Variants in POLD1 observed in about 807,000 individuals in gnomAD.
POLD1 encodes DNA polymerase delta 1, catalytic subunit.
In POLD1, 79 loss-of-function variants were observed where a neutral mutation model predicts 129.7. The observed-to-expected ratio is 0.61, with a 90% CI of 0.51 to 0.73. The LOEUF (loss-of-function observed/expected upper bound fraction) is 0.73. POLD1 is among the 30% of genes least tolerant of loss of function. The pLI is 0.00. For missense variants in POLD1, 1,338 were observed against 1,595.8 expected (o/e 0.84, Z 2.75); for synonymous variants, 714 against 683.3 (o/e 1.04, Z -0.70).
chr19:50,416,008 C>A, intron 22 of POLD1, 182 bp downstream of exon 22: 1 of 590,442 alleles, frequency 1.7e-6, no homozygotes, highest in Non-Finnish European at 3.0e-6. Context: ...CTATTCTGAC[C>A]CCTCCCTTGC....
In POLD1 at chr19:50,406,556, AC is replaced by A. The variant is rs768573092; in HGVS notation, c.1494+41del. On this transcript the variant is annotated intron_variant, in intron 12 of 26. Transcript: ENST00000440232. This position sits in a 1 kb window ranked among gnomAD's most constrained non-coding sequence, Gnocchi z 5.5. ...CCCTGACCTCTCACCCCAACCTCTG[AC>A]CTCCACCTCACCCTTCCCCGGCCTC... is the stretch of plus-strand genomic sequence containing the variant. 240 of 1,422,914 alleles carry A rather than the reference AC, an allele frequency of 1.7e-4. No individual in the cohort carries two copies. Among genetic ancestry groups the A allele is most frequent in the Non-Finnish European group, 2.2e-4 (228 of 1,031,882 alleles). 88.1% of individuals were successfully genotyped at this position (1,422,914 alleles called of 1,614,324 possible).
At position 50,409,647 on chromosome 19, in the gene POLD1, C is replaced by T. The variant is rs2122389494; in HGVS notation, c.2135C>T (p.Pro712Leu). 2 of 1,606,060 alleles carry T rather than the reference C, an allele frequency of 1.2e-6. No homozygotes were observed. Among genetic ancestry groups the T allele is most frequent in the Non-Finnish European group, 1.7e-6 (2 of 1,174,568 alleles). Residue 712 changes from proline (P) to leucine (L), a missense_variant, in exon 17 of 27, where the codon CCG becomes CTG. Coordinates refer to ENST00000440232, the MANE Select transcript of POLD1 (RefSeq NM_002691.4). The surrounding 1 kb of genome is among the most constrained non-coding windows in gnomAD (Gnocchi z 5.8). ...GFTGAQVGKL[P>L]CLEISQSVTG... ...ACTGGCGCCCAGGTGGGCAAGTTGCCGTGCCTGGAGATCTCACAGGTGGGC... is the reference window on the plus strand; with the variant it reads ...ACTGGCGCCCAGGTGGGCAAGTTGCTGTGCCTGGAGATCTCACAGGTGGGC...
chr19:50,399,304 C>T, intron 2 of POLD1, 67 bp from the exon 3 acceptor site: 2 of 1,363,044 alleles, frequency 1.5e-6, no homozygotes, highest in Non-Finnish European at 2.1e-6. Flanking sequence ...CTTTCAGAAC[C>T]ACATGCCATC....
At chr19:50,395,641 G>GT (rs1294736686) in intron 1 of POLD1, among the ~76,000 whole-genome samples, 1 of 151,226 alleles carries the variant, frequency 6.6e-6, no homozygotes, top group East Asian at 1.9e-4. Context: ...CAGATCACCT[G>GT]TTTCAACATT....
At chr19:50,391,689 G>C (rs1040868108) in intron 1 of POLD1, among the ~76,000 whole-genome samples, 20 of 129,062 alleles carry the variant, frequency 1.5e-4, no homozygotes, top group African/African-American at 6.4e-4. Flanking sequence ...AGACTGAGAG[G>C]GGGGAGGGGG....
Position 50,416,742 on chromosome 19 carries a change from T to C in POLD1, c.3067+19T>C, listed in dbSNP as rs2122499159. ...CACCAGGGTGAGCGGCCCTGGCCAC[T>C]GGGCCCCCACTGGCCCTCAACCTGC... is the stretch of plus-strand genomic sequence containing the variant. On this transcript the variant is annotated intron_variant, in intron 24 of 26. Coordinates refer to ENST00000440232, the MANE Select transcript of POLD1 (RefSeq NM_002691.4). 1.3e-6 allele frequency: 2 copies of C among 1,502,358 alleles called. No individual in the cohort carries two copies. The allele number at this position is 1,502,358 out of a possible 1,614,324, so 93.1% of individuals were successfully genotyped here.
chr19:50,412,308 A>G (rs1007786075), intron 17 of POLD1, among the ~76,000 whole-genome samples: 20 of 152,150 alleles, frequency 1.3e-4, no homozygotes, highest in African/African-American at 4.8e-4. Flanking sequence ...ACCCGCCACC[A>G]TGCCTGGCTA....
chr19:50,401,415 T>C (rs1242985064), intron 3 of POLD1, among the ~76,000 whole-genome samples: 4 of 115,048 alleles, frequency 3.5e-5, no homozygotes, highest in Non-Finnish European at 7.2e-5. Context: ...TTTTTTTTTT[T>C]CTTTTTTTTG....
Position 50,409,775 on chromosome 19 carries a change from C to A in POLD1, c.2154+109C>A. 8.2e-7 allele frequency: 1 copy of A among 1,213,242 alleles called. No individual in the cohort carries two copies. Among genetic ancestry groups the A allele is most frequent in the Non-Finnish European group, 1.2e-6 (1 of 863,730 alleles). 75.2% of individuals were successfully genotyped at this position (1,213,242 alleles called of 1,614,324 possible). On this transcript the variant is annotated intron_variant, in intron 17 of 26. Coordinates refer to ENST00000440232, the MANE Select transcript of POLD1 (RefSeq NM_002691.4). This position sits in a 1 kb window ranked among gnomAD's most constrained non-coding sequence, Gnocchi z 5.8. ...ATCCAGAGGACTGGGCACCCCAACT[C>A]ACTGGCCTTCTAGAGAGAGGATGCC...
chr19:50,393,690 A>G (rs1266394938), intron 1 of POLD1, among the ~76,000 whole-genome samples: 2 of 152,138 alleles, frequency 1.3e-5, no homozygotes, highest in African/African-American at 4.8e-5. Context: ...GTAATAATAA[A>G]GCAAAGAATT....
At chr19:50,403,733 G>A (rs908372137) in intron 10 of POLD1, 136 bp downstream of exon 10, 72 of 682,938 alleles carry the variant, frequency 1.1e-4, no homozygotes, top group Non-Finnish European at 1.7e-4. Flanking sequence ...GCCTGCAGGG[G>A]CAGCCTAGGC....
At chr19:50,411,607 G>A (rs956645498) in intron 17 of POLD1, among the ~76,000 whole-genome samples, 1 of 152,200 alleles carries the variant, frequency 6.6e-6, no homozygotes, top group Non-Finnish European at 1.5e-5. Context: ...TTAGGAGGCC[G>A]AGGCGGGCGG....
chr19:50,387,299 T>C (rs1394869597), intron 1 of POLD1, among the ~76,000 whole-genome samples: 2 of 151,990 alleles, frequency 1.3e-5, no homozygotes, highest in Non-Finnish European at 2.9e-5. Flanking sequence ...TAAATAAAAA[T>C]AAAGCTGTGA....
rs932590727 is a variant in POLD1, at chr19:50,415,312, G to T, written c.2565-126G>T. 7.4e-6 allele frequency: 7 copies of T among 947,960 alleles called. No individual in the cohort carries two copies. In the African/African-American group the frequency reaches 9.8e-5, roughly 13 times the overall value. 58.7% of individuals were successfully genotyped at this position (947,960 alleles called of 1,614,324 possible). A position where few individuals can be genotyped will look rare whatever the true frequency, so the allele number is the denominator to read the frequency against. ...GCCACTCTGCAGCCTATGGTAGGAAGGGCCCCTCTCTGCCCTGAGCCTCAG... is the reference window on the plus strand; with the variant it reads ...GCCACTCTGCAGCCTATGGTAGGAATGGCCCCTCTCTGCCCTGAGCCTCAG... On this transcript the variant is annotated intron_variant, in intron 20 of 26. Transcript: ENST00000440232.
chr19:50,389,588 A>ATT (rs35138965), intron 1 of POLD1, among the ~76,000 whole-genome samples: 5 of 142,336 alleles, frequency 3.5e-5, no homozygotes, highest in Non-Finnish European at 6.2e-5. Flanking sequence ...ATAATTTCTT[A>ATT]TTTTTTTTTT....
chr19:50,396,638 C>T (rs531172679), intron 1 of POLD1, among the ~76,000 whole-genome samples: 4 of 151,642 alleles, frequency 2.6e-5, no homozygotes, highest in South Asian at 2.1e-4. Context: ...CCACCATGCC[C>T]GGCTAATTTT....
intron 1 of POLD1, among the ~76,000 whole-genome samples, chr19:50,396,874 TCACCTG>T (rs1441709689): frequency 1.3e-5 from 2 of 150,382 alleles, no homozygotes; most frequent in Non-Finnish European, 3.0e-5. Flanking sequence ...GGCAGGTGGA[TCACCTG>T]AGGTCAGGAG....
In POLD1 at chr19:50,402,254, C is replaced by A. The variant is rs139949679; in HGVS notation, c.639C>A (p.Thr213=). Residue 213 remains threonine (T), a synonymous_variant, in exon 6 of 27, where the codon ACC becomes ACA. Coordinates refer to ENST00000440232, the MANE Select transcript of POLD1 (RefSeq NM_002691.4). ...GCCCCTCCCCGTTCCTGCGCATCAC[C>A]GTGGCGCTGCCGCGCCTCGTGGCCC... ...GHGPSPFLRI[T]VALPRLVAPA... 3 of 1,600,664 alleles carry A rather than the reference C, an allele frequency of 1.9e-6. No homozygotes were observed. Among genetic ancestry groups the A allele is most frequent in the Non-Finnish European group, 2.6e-6 (3 of 1,172,706 alleles).
intron 3 of POLD1, among the ~76,000 whole-genome samples, chr19:50,400,393 A>G (rs74807966): frequency 0.14 from 20,647 of 145,796 alleles, 2,150 homozygotes; most frequent in African/African-American, 0.3. Flanking sequence ...GCTAATTTTT[A>G]TATTTTTAGT....
Sources: gnomAD v4.1 joint callset for allele counts (sites outside exome capture counted in the v4.1 genomes callset) on GRCh38, gnomAD v4.1.1 for gene constraint, Gnocchi (gnomAD v3.1) non-coding constraint, MANE v1.5 for transcripts, NCBI Gene and HGNC (gene_info 2026-07-23, HGNC 2026-07-21) for gene names.